SUMF1: variants seen among roughly 807,000 people sequenced by gnomAD.
SUMF1 encodes the protein formylglycine-generating enzyme.
SUMF1 carries 48 observed loss-of-function variants against 47.6 expected under a neutral mutation model. The observed-to-expected ratio is 1.01, with a 90% CI of 0.80 to 1.28. The LOEUF (loss-of-function observed/expected upper bound fraction) is 1.28, where lower values mean the gene tolerates loss of function less well. SUMF1 is among the 50% of genes most tolerant of loss of function. SUMF1 has a pLI of 0.00. For synonymous variants in SUMF1, 230 were observed against 192.1 expected, an observed-to-expected ratio of 1.20 and a Z score of -1.63; for missense variants, 571 against 485.4, an observed-to-expected ratio of 1.18 and a Z score of -1.66.
chr3:4,039,209 A>ATTTTTTTTTTTTTTTTTTTT (rs775459424), intron 9 of SUMF1, among the ~76,000 whole-genome samples: 1 of 39,474 alleles, frequency 2.5e-5, no homozygotes, highest in Non-Finnish European at 4.9e-5. Flanking sequence ...ATCTATGCAA[A>ATTTTTTTTTTTTTTTTTTTT]TTTTTTTTTT....
intron 8 of SUMF1, among the ~76,000 whole-genome samples, chr3:4,102,430 A>G (rs1278006663): frequency 6.6e-6 from 1 of 152,126 alleles, no homozygotes; most frequent in Non-Finnish European, 1.5e-5. Flanking sequence ...CTGAAATCCC[A>G]CAATAGCAGT....
chr3:4,246,329 C>G (rs1411224301), intron 8 of SUMF1, among the ~76,000 whole-genome samples: 2 of 152,048 alleles, frequency 1.3e-5, no homozygotes, highest in Non-Finnish European at 2.9e-5. Flanking sequence ...CAGAAATCAC[C>G]CGTTTTCTGT....
intron 8 of SUMF1, chr3:4,303,937 C>A: frequency 1.8e-6 from 2 of 1,131,040 alleles, no homozygotes; most frequent in Non-Finnish European, 2.3e-6. Flanking sequence ...CCCCTCGAGT[C>A]AGCCTTAGCT....
intron 8 of SUMF1, among the ~76,000 whole-genome samples, chr3:4,153,881 C>T (rs2587912): frequency 0.35 from 53,537 of 151,172 alleles, 10,046 homozygotes; most frequent in East Asian, 0.4. Context: ...GCAGGGAGGT[C>T]AAGTTCCATC....
At chr3:4,341,197 C>T (rs1009943476) in intron 8 of SUMF1, among the ~76,000 whole-genome samples, 2 of 151,878 alleles carry the variant, frequency 1.3e-5, no homozygotes, top group Non-Finnish European at 2.9e-5. Flanking sequence ...GATTTGTTCT[C>T]CTCAGTCACA....
chr3:4,192,523 A>G (rs1232726102), intron 8 of SUMF1, among the ~76,000 whole-genome samples: 1 of 152,036 alleles, frequency 6.6e-6, no homozygotes, highest in Non-Finnish European at 1.5e-5. Context: ...ATTTGAGGCC[A>G]CCTTAAAAAA....
rs147744963 is a variant in SUMF1 at position 4,079,648 on chromosome 3, T to C, written c.1015-10903A>G. On this transcript the variant is annotated intron_variant and NMD_transcript_variant, in intron 8 of 12. Transcript: ENST00000448413. ...AATCTACCTGATAGGTTGGTTGTGATAATTTAGTGAAATAATATATGGAAA... is the reference window on the plus strand; with the variant it reads ...AATCTACCTGATAGGTTGGTTGTGACAATTTAGTGAAATAATATATGGAAA... Among the ~76,000 whole-genome samples the C allele has an allele frequency of 1.8e-3, 267 of 151,232 alleles. 4 individuals carry two copies. Among genetic ancestry groups the C allele is most frequent in the African/African-American group, 6.2e-3 (253 of 41,064 alleles).
intron 8 of SUMF1, among the ~76,000 whole-genome samples, chr3:4,354,623 C>A (rs1559239691): frequency 6.6e-6 from 1 of 152,088 alleles, no homozygotes; most frequent in African/African-American, 2.4e-5. Flanking sequence ...ATCATGCCAG[C>A]TTTTTTCTTT....
chr3:4,359,826 C>T (rs1455495505), downstream of SUMF1, among the ~76,000 whole-genome samples: 9 of 151,944 alleles, frequency 5.9e-5, no homozygotes, highest in Admixed American at 1.3e-4. Context: ...TGGGTGGGGA[C>T]GCAGTCAAAC....
In SUMF1 at chr3:4,445,291, A is replaced by G. The variant is rs186991728; in HGVS notation, c.519+3975T>C. On this transcript the variant is annotated intron_variant, in intron 3 of 8. Transcript: ENST00000272902. ...AAAAAGATATGCCCAAACCTTCAAA[A>G]GGGATCATGGTTTCAGTGTAAAATA... Among the ~76,000 whole-genome samples the G allele has an allele frequency of 2.4e-4, 37 of 152,292 alleles. No homozygotes were observed. The East Asian group carries it at 7.1e-3, about 29-fold the overall frequency.
At chr3:4,110,158 C>G (rs1450753503) in intron 8 of SUMF1, among the ~76,000 whole-genome samples, 2 of 152,150 alleles carry the variant, frequency 1.3e-5, no homozygotes, top group African/African-American at 2.4e-5. Context: ...GGACCCTCAG[C>G]TGCAGGTTGC....
intron 7 of SUMF1, among the ~76,000 whole-genome samples, chr3:4,403,774 C>A (rs565891827): frequency 6.6e-6 from 1 of 152,264 alleles, no homozygotes; most frequent in African/African-American, 2.4e-5. Context: ...AAGCTTTTAG[C>A]AAGAGGCTGC....
chr3:4,349,546 G>A (rs1362447698), intron 8 of SUMF1, among the ~76,000 whole-genome samples: 1 of 152,196 alleles, frequency 6.6e-6, no homozygotes, highest in African/African-American at 2.4e-5. Context: ...TATGCTCCTT[G>A]CAGCACTATT....
chr3:4,151,053 T>C (rs963058046), intron 8 of SUMF1, among the ~76,000 whole-genome samples: 8 of 151,506 alleles, frequency 5.3e-5, no homozygotes, highest in African/African-American at 1.7e-4. Context: ...AACAGAGGAT[T>C]AACGTCTGGT....
chr3:4,252,015 G>A (rs909300059), intron 8 of SUMF1, among the ~76,000 whole-genome samples: 1 of 152,114 alleles, frequency 6.6e-6, no homozygotes, highest in African/African-American at 2.4e-5. Flanking sequence ...TCAATTTGTT[G>A]TGCTGGTCTG....
chr3:4,255,032 A>G (rs1696912461), intron 8 of SUMF1, among the ~76,000 whole-genome samples: 1 of 151,214 alleles, frequency 6.6e-6, no homozygotes, highest in African/African-American at 2.4e-5. Flanking sequence ...TAAGTGAAGG[A>G]GAAATAAAAT....
intron 8 of SUMF1, among the ~76,000 whole-genome samples, chr3:4,136,764 C>A (rs1371981404): frequency 1.3e-5 from 2 of 150,122 alleles, no homozygotes; most frequent in Non-Finnish European, 3.0e-5. Flanking sequence ...TGAACTCAAA[C>A]AAATTTACAA....
intron 9 of SUMF1, among the ~76,000 whole-genome samples, chr3:4,057,810 C>A (rs1695217413): frequency 6.6e-6 from 1 of 152,032 alleles, no homozygotes; most frequent in African/African-American, 2.4e-5. Context: ...TTATTTTTAA[C>A]AACATAAACA....
chr3:4,288,974 T>C (rs1559655080), intron 8 of SUMF1, among the ~76,000 whole-genome samples: 1 of 152,228 alleles, frequency 6.6e-6, no homozygotes, highest in Non-Finnish European at 1.5e-5. Context: ...ACAGTGGTGT[T>C]GTTCTTTCTA....
Sources: gnomAD v4.1 joint callset for allele counts (sites outside exome capture counted in the v4.1 genomes callset) on GRCh38, gnomAD v4.1.1 for gene constraint, MANE v1.5 for transcripts, NCBI Gene and HGNC (gene_info 2026-07-23, HGNC 2026-07-21) for gene names.